UBA6: variants seen among roughly 807,000 people sequenced by gnomAD.
The protein encoded by UBA6 is ubiquitin-like modifier-activating enzyme 6.
UBA6 carries 87 observed loss-of-function variants against 148.3 expected under a neutral mutation model. The ratio of observed to expected loss-of-function variants is 0.59; its 90% CI spans 0.49 to 0.70. UBA6 has a LOEUF of 0.70. UBA6 is among the 30% of genes least tolerant of loss of function. The pLI, the probability that UBA6 is intolerant of heterozygous loss-of-function variation, is 0.00. For missense variants in UBA6, 1,186 were observed against 1,241.2 expected (o/e 0.96, Z 0.67); for synonymous variants, 376 against 401.0 (o/e 0.94, Z 0.75).
intron 2 of UBA6, 130 bp from the exon 3 acceptor site, chr4:67,682,343 G>A (rs943754128): frequency 1.6e-6 from 1 of 642,522 alleles, no homozygotes. Flanking sequence ...GATTTGCACA[G>A]TGTTTAAACA....
At chr4:67,684,299 C>A (rs1730508555) in intron 2 of UBA6, among the ~76,000 whole-genome samples, 1 of 151,854 alleles carries the variant, frequency 6.6e-6, no homozygotes, top group African/African-American at 2.4e-5. Flanking sequence ...TCTTTTTTTT[C>A]TAGTTACCTG....
chr4:67,641,010 C>A, intron 18 of UBA6, 141 bp downstream of exon 18: 1 of 625,062 alleles, frequency 1.6e-6, no homozygotes, highest in Non-Finnish European at 2.7e-6. Context: ...AATATTTTCC[C>A]TTTTGTCATT....
chr4:67,631,661 A>C, intron 25 of UBA6, 47 bp downstream of exon 25: 6 of 1,403,352 alleles, frequency 4.3e-6, no homozygotes, highest in Non-Finnish European at 4.9e-6. Flanking sequence ...ATTTACAGTA[A>C]AGAAATATAT....
chr4:67,657,663 A>G (rs1729732906), intron 13 of UBA6, among the ~76,000 whole-genome samples: 2 of 152,102 alleles, frequency 1.3e-5, no homozygotes, highest in African/African-American at 2.4e-5. Flanking sequence ...AACAAAAGCC[A>G]AAATTGACAA....
intron 14 of UBA6, among the ~76,000 whole-genome samples, chr4:67,648,194 C>T (rs185472600): frequency 1.6e-4 from 25 of 151,542 alleles, no homozygotes; most frequent in African/African-American, 5.8e-4. Context: ...ATGAGCCGGG[C>T]GCAGTGGCTC....
chr4:67,675,820 T>C (rs1730265789), intron 6 of UBA6, among the ~76,000 whole-genome samples: 1 of 152,028 alleles, frequency 6.6e-6, no homozygotes, highest in East Asian at 1.9e-4. Flanking sequence ...TAAAAATTCT[T>C]TGAGGTTTAA....
intron 13 of UBA6, among the ~76,000 whole-genome samples, chr4:67,659,651 C>CATGTATTTTAT (rs1553907609): frequency 5.6e-5 from 1 of 17,820 alleles, no homozygotes; most frequent in Non-Finnish European, 1.3e-4. Flanking sequence ...TTTTATATAG[C>CATGTATTTTAT]ATATGCAGTG....
chr4:67,685,833 A>G (rs1375864770), intron 2 of UBA6, among the ~76,000 whole-genome samples: 1 of 152,080 alleles, frequency 6.6e-6, no homozygotes. Flanking sequence ...ATGCAGTAAT[A>G]AGCCCCTCAC....
chr4:67,626,519 C>T (rs765806937), intron 27 of UBA6, 42 bp from the exon 28 acceptor site: 1 of 1,258,614 alleles, frequency 7.9e-7, no homozygotes, highest in South Asian at 1.3e-5. Flanking sequence ...TTATCATTTC[C>T]TGCATCTGTT....
chr4:67,674,699 GAATC>G (rs1413605629), intron 6 of UBA6, among the ~76,000 whole-genome samples: 9 of 152,068 alleles, frequency 5.9e-5, no homozygotes, highest in Non-Finnish European at 8.8e-5. Context: ...ATCACATATT[GAATC>G]TGATTTGTGT....
chr4:67,680,533 G>A (rs999485377), intron 4 of UBA6, among the ~76,000 whole-genome samples: 7 of 152,136 alleles, frequency 4.6e-5, no homozygotes, highest in Non-Finnish European at 7.4e-5. Context: ...TTCAGTATAC[G>A]AATTTTACTT....
At chr4:67,619,650 T>C (rs1728708454) in intron 32 of UBA6, among the ~76,000 whole-genome samples, 1 of 152,202 alleles carries the variant, frequency 6.6e-6, no homozygotes, top group Non-Finnish European at 1.5e-5. Context: ...CCTCCTAAAC[T>C]TCCTCTTAAG....
intron 13 of UBA6, among the ~76,000 whole-genome samples, chr4:67,654,599 C>A (rs1470848204): frequency 1.3e-5 from 2 of 152,058 alleles, no homozygotes; most frequent in Non-Finnish European, 2.9e-5. Flanking sequence ...ATGGAAAAGA[C>A]CATTGATGCT....
intron 1 of UBA6, among the ~76,000 whole-genome samples, chr4:67,700,150 A>G (rs185268522): frequency 2.0e-5 from 3 of 152,326 alleles, no homozygotes; most frequent in East Asian, 1.9e-4. Flanking sequence ...AAACGCTTCA[A>G]ATAAGGCGCG....
In UBA6 at chr4:67,696,512, T is replaced by C. The variant is rs1577846348; in HGVS notation, c.134+133A>G. On this transcript the variant is annotated intron_variant, in intron 2 of 32. Coordinates refer to ENST00000322244, the MANE Select transcript of UBA6 (RefSeq NM_018227.6). ...ACACATATATATACACACATACATA[T>C]ATACATACACACACACACACACACA... The C allele has an allele frequency of 2.3e-5, 14 of 605,338 alleles. No individual in the cohort carries two copies. Among genetic ancestry groups the C allele is most frequent in the Middle Eastern group, 5.7e-4 (2 of 3,530 alleles). The allele number at this position is 605,338 out of a possible 1,614,324, so 37.5% of individuals were successfully genotyped here.
intron 25 of UBA6, 107 bp from the exon 26 acceptor site, chr4:67,630,642 A>C: frequency 7.4e-6 from 5 of 679,408 alleles, no homozygotes; most frequent in Admixed American, 3.7e-5. Context: ...AAATATAACC[A>C]CAGAATTATT....
chr4:67,682,593 T>G (rs563265635), intron 2 of UBA6, among the ~76,000 whole-genome samples: 1 of 152,298 alleles, frequency 6.6e-6, no homozygotes, highest in African/African-American at 2.4e-5. Context: ...ACTTTCACTA[T>G]CAACAGGATT....
At chr4:67,621,118 C>T (rs574001722) in intron 32 of UBA6, among the ~76,000 whole-genome samples, 1 of 152,310 alleles carries the variant, frequency 6.6e-6, no homozygotes, top group South Asian at 2.1e-4. Flanking sequence ...TTTATGATCA[C>T]GTACAGTCCA....
At chr4:67,625,554 A>G (rs1008488518) in intron 28 of UBA6, among the ~76,000 whole-genome samples, 9 of 152,066 alleles carry the variant, frequency 5.9e-5, no homozygotes, top group African/African-American at 2.2e-4. Flanking sequence ...TAGTTCAAAA[A>G]TTTATTCCAT....
Sources: allele counts gnomAD v4.1 joint callset (sites outside exome capture counted in the v4.1 genomes callset), GRCh38; gene constraint gnomAD v4.1.1; transcripts MANE v1.5; gene names NCBI Gene and HGNC (gene_info 2026-07-23, HGNC 2026-07-21).